HOOK3: variants seen among roughly 807,000 people sequenced by gnomAD.
HOOK3 encodes the protein protein Hook homolog 3.
HOOK3 carries 24 observed loss-of-function variants against 116.3 expected under a neutral mutation model. That is an observed-to-expected ratio of 0.21 (90% confidence interval 0.15 to 0.29). The LOEUF (loss-of-function observed/expected upper bound fraction) is 0.29, where lower values mean the gene tolerates loss of function less well. Ranked by LOEUF, HOOK3 falls within the 10% of genes least tolerant of loss-of-function variation. HOOK3 has a pLI of 1.00. For missense variants in HOOK3, 632 were observed against 830.2 expected, an observed-to-expected ratio of 0.76 and a Z score of 2.93; for synonymous variants, 275 against 283.0, an observed-to-expected ratio of 0.97 and a Z score of 0.28.
At chr8:42,919,048 G>GC (rs1018098445) in intron 2 of HOOK3, among the ~76,000 whole-genome samples, 1 of 148,216 alleles carries the variant, frequency 6.7e-6, no homozygotes, top group Non-Finnish European at 1.5e-5. Flanking sequence ...GGCGGGGGCT[G>GC]CCCCCCACCT....
At chr8:43,000,280 A>G in intron 16 of HOOK3, 1 of 1,286,154 alleles carries the variant, frequency 7.8e-7, no homozygotes, top group South Asian at 1.2e-5. Context: ...GGCTATTGTA[A>G]GTATGGCTTC....
chr8:43,012,959 C>T, intron 19 of HOOK3, 92 bp from the exon 20 acceptor site: 2 of 803,556 alleles, frequency 2.5e-6, no homozygotes, highest in East Asian at 2.8e-5. Context: ...TAAGTTTATC[C>T]TTTTATTTTA....
In HOOK3 at chr8:42,946,011, T is replaced by G. The variant is rs1808218946; in HGVS notation, c.400+2566T>G. ...TGACAACTACTGATTTGCATAGAAA[T>G]CACTTGTTTTCTAAAAGCTGTAGTT... On this transcript the variant is annotated intron_variant, in intron 5 of 21. Transcript: ENST00000307602. 3.3e-5 allele frequency among the ~76,000 whole-genome samples: 5 copies of G among 151,628 alleles called. No individual in the cohort carries two copies. The South Asian group carries it at 8.4e-4, about 26-fold the overall frequency.
intron 15 of HOOK3, among the ~76,000 whole-genome samples, chr8:42,987,873 G>A (rs923240541): frequency 2.2e-4 from 33 of 151,682 alleles, no homozygotes; most frequent in African/African-American, 7.7e-4. Flanking sequence ...TTTTACTGCA[G>A]TGATACTCTG....
intron 4 of HOOK3, among the ~76,000 whole-genome samples, chr8:42,934,342 T>C (rs374193254): frequency 2.0e-5 from 3 of 152,308 alleles, no homozygotes; most frequent in Middle Eastern, 6.8e-3. Flanking sequence ...TATGAATATG[T>C]TTCTCTTATC....
rs1809823299 is a variant in HOOK3, at chr8:43,021,279, G to A, written c.*2781G>A. 1 of 200,954 alleles carries A rather than the reference G, an allele frequency of 5.0e-6. No homozygotes were observed. The highest frequency in any genetic ancestry group is 7.7e-5 in the East Asian group (1 of 13,010). 12.4% of individuals were successfully genotyped at this position (200,954 alleles called of 1,614,324 possible). The stretch of plus-strand genomic sequence containing the variant: ...CTCTATCTGGGTTGGAAAGGCCCCA[G>A]GCTTTTAGAGGGGAGTTTTACTTCT... On this transcript the variant is annotated 3_prime_UTR_variant, in exon 22 of 22. Transcript: ENST00000307602.
chr8:43,018,246 C>T (rs895117410), intron 21 of HOOK3, 112 bp from the exon 22 acceptor site: 52 of 986,456 alleles, frequency 5.3e-5, no homozygotes, highest in Non-Finnish European at 6.8e-5. Flanking sequence ...TATTAACATT[C>T]CTAATTGTGC....
intron 5 of HOOK3, 146 bp from the exon 6 acceptor site, chr8:42,950,242 C>G (rs1334918216): frequency 3.7e-6 from 2 of 538,030 alleles, no homozygotes; most frequent in Non-Finnish European, 6.7e-6. Context: ...TCGGACTTTA[C>G]CAATACATTT....
chr8:43,009,249 A>G (rs1809555891), intron 18 of HOOK3, among the ~76,000 whole-genome samples: 2 of 152,030 alleles, frequency 1.3e-5, no homozygotes, highest in Non-Finnish European at 2.9e-5. Flanking sequence ...TACTAAAAAT[A>G]CAAAAAATTA....
chr8:42,978,410 A>AT (rs780491369), intron 13 of HOOK3, among the ~76,000 whole-genome samples: 444 of 120,956 alleles, frequency 3.7e-3, no homozygotes, highest in Middle Eastern at 0.024. Flanking sequence ...TGCCTGGCTA[A>AT]TTTTTTTTTT....
chr8:42,950,990 T>G (rs1808328567), intron 6 of HOOK3, among the ~76,000 whole-genome samples: 1 of 148,874 alleles, frequency 6.7e-6, no homozygotes, highest in African/African-American at 2.5e-5. Flanking sequence ...CGGCCGACTA[T>G]TCCTAATTTT....
At chr8:42,899,564 C>A (rs1402156666) in intron 1 of HOOK3, among the ~76,000 whole-genome samples, 1 of 152,202 alleles carries the variant, frequency 6.6e-6, no homozygotes, top group African/African-American at 2.4e-5. Context: ...TATAATATCA[C>A]CCCTCCTATC....
At chr8:43,009,312 A>G (rs1230096993) in intron 18 of HOOK3, among the ~76,000 whole-genome samples, 1 of 151,996 alleles carries the variant, frequency 6.6e-6, no homozygotes, top group Non-Finnish European at 1.5e-5. Context: ...AGGCTGAGGC[A>G]GGAGAATCGC....
intron 3 of HOOK3, among the ~76,000 whole-genome samples, chr8:42,927,057 C>A (rs1426433156): frequency 1.3e-5 from 2 of 152,196 alleles, no homozygotes; most frequent in African/African-American, 4.8e-5. Context: ...AAGACTCAGA[C>A]ATACAAATGA....
chr8:42,916,331 T>C (rs1478424501), intron 2 of HOOK3, among the ~76,000 whole-genome samples: 1 of 152,178 alleles, frequency 6.6e-6, no homozygotes, highest in Non-Finnish European at 1.5e-5. Flanking sequence ...TCAAGAAGGG[T>C]TTACCACTGT....
intron 5 of HOOK3, among the ~76,000 whole-genome samples, chr8:42,944,196 C>G (rs1808181585): frequency 6.6e-6 from 1 of 151,786 alleles, no homozygotes. Context: ...GGGCGGATCA[C>G]TTGAGGCCAG....
chr8:42,997,415 G>A, intron 15 of HOOK3, 135 bp from the exon 16 acceptor site: 1 of 594,114 alleles, frequency 1.7e-6, no homozygotes, highest in East Asian at 2.9e-5. Context: ...ATGACATTAG[G>A]CCACTACTAT....
At chr8:42,978,205 G>A (rs1808864804) in intron 13 of HOOK3, among the ~76,000 whole-genome samples, 1 of 152,174 alleles carries the variant, frequency 6.6e-6, no homozygotes, top group Non-Finnish European at 1.5e-5. Flanking sequence ...TATGTTGGCT[G>A]TAATACTCTG....
intron 2 of HOOK3, among the ~76,000 whole-genome samples, chr8:42,919,384 G>A (rs1001410373): frequency 1.7e-4 from 25 of 150,948 alleles, no homozygotes; most frequent in African/African-American, 6.1e-4. Context: ...CATCTCAGAC[G>A]GGGTGGCAGG....
Sources: allele counts gnomAD v4.1 joint callset (sites outside exome capture counted in the v4.1 genomes callset), GRCh38; gene constraint gnomAD v4.1.1; transcripts MANE v1.5; gene names NCBI Gene and HGNC (gene_info 2026-07-23, HGNC 2026-07-21).